The following POU2F2 variants were observed in gnomAD, a reference collection of about 807,000 sequenced individuals.
POU2F2 encodes the protein POU domain, class 2, transcription factor 2.
A neutral mutation model predicts 63.5 loss-of-function variants in POU2F2; 14 were observed. That is an observed-to-expected ratio of 0.22 (90% confidence interval 0.15 to 0.34). The LOEUF is 0.34. Ranked by LOEUF, POU2F2 falls within the 10% of genes least tolerant of loss-of-function variation. The pLI, the probability that POU2F2 is intolerant of heterozygous loss-of-function variation, is 1.00. For synonymous variants in POU2F2, 306 were observed against 348.6 expected, an observed-to-expected ratio of 0.88 and a Z score of 1.36; for missense variants, 607 against 815.2, an observed-to-expected ratio of 0.74 and a Z score of 3.11.
intron 5 of POU2F2, among the ~76,000 whole-genome samples, chr19:42,115,848 G>C (rs553088454): frequency 4.6e-5 from 7 of 152,194 alleles, no homozygotes; most frequent in Non-Finnish European, 7.3e-5. Flanking sequence ...AGGTCAATGG[G>C]GTGGGCCCTA....
upstream of POU2F2, chr19:42,132,474 G>A (rs527273038): frequency 3.5e-5 from 49 of 1,381,440 alleles, no homozygotes; most frequent in East Asian, 1.4e-4. Context: ...TCTGGGGGCC[G>A]AGCCCTCCCT....
chr19:42,153,018 G>A lies in POU2F2; in HGVS notation c.-9+7314C>T, dbSNP rs1041793328. Reference sequence around the variant, plus strand: ...GGGGCGAACCCTCAGGCCGGCCTGCGCCCACCCCCAGAGCTGCTGGCTGCC... The same window carrying A: ...GGGGCGAACCCTCAGGCCGGCCTGCACCCACCCCCAGAGCTGCTGGCTGCC... On this transcript the variant is annotated intron_variant, in intron 2 of 6. Transcript: ENST00000524801. This position sits in a 1 kb window ranked among gnomAD's most constrained non-coding sequence, Gnocchi z 5.6. Among the ~76,000 whole-genome samples the A allele has an allele frequency of 9.9e-5, 15 of 152,166 alleles. No individual in the cohort carries two copies. Among genetic ancestry groups the A allele is most frequent in the Admixed American group, 5.2e-4 (8 of 15,284 alleles).
At chr19:42,178,557 G>A (rs1400238480), upstream of POU2F2, among the ~76,000 whole-genome samples, 1 of 152,164 alleles carries the variant, frequency 6.6e-6, no homozygotes, top group Non-Finnish European at 1.5e-5. Context: ...CGTTGAAAGA[G>A]CCGTTGAAAG....
rs558030162 is a variant in POU2F2 at position 42,117,634 on chromosome 19, G to A, written c.187-202C>T. On this transcript the variant is annotated intron_variant, in intron 4 of 14. Transcript: ENST00000692977. The surrounding 1 kb of genome is among the most constrained non-coding windows in gnomAD (Gnocchi z 4.4). ...TGCACCCAAACTCCCTACAGAAGTC[G>A]CCTTTGCAGAGCACTTTTCCCCTCC... Among the ~76,000 whole-genome samples, 12 of 152,140 alleles carry A rather than the reference G, an allele frequency of 7.9e-5. No homozygotes were observed. Among genetic ancestry groups the A allele is most frequent in the Admixed American group, 1.3e-4 (2 of 15,278 alleles).
intron 1 of POU2F2, among the ~76,000 whole-genome samples, chr19:42,195,129 G>A (rs1462068991): frequency 8.4e-6 from 1 of 118,490 alleles, no homozygotes; most frequent in Admixed American, 8.0e-5. Flanking sequence ...AACGAAGAGA[G>A]GGAGGAACGA....
At chr19:42,196,822 C>G (rs368459715), upstream of POU2F2, among the ~76,000 whole-genome samples, 119 of 152,380 alleles carry the variant, frequency 7.8e-4, no homozygotes, top group African/African-American at 2.7e-3. Flanking sequence ...ACTGCGCCAG[C>G]GCAGATCCCT....
chr19:42,160,829 C>T (rs1193521304), intron 1 of POU2F2, among the ~76,000 whole-genome samples: 1 of 152,106 alleles, frequency 6.6e-6, no homozygotes, highest in East Asian at 1.9e-4. Context: ...CAAAGGACTG[C>T]TACGAGGAAC....
At chr19:42,161,004 G>T (rs546907605) in intron 1 of POU2F2, among the ~76,000 whole-genome samples, 1 of 152,326 alleles carries the variant, frequency 6.6e-6, no homozygotes, top group Admixed American at 6.5e-5. Context: ...TCTGAATCAA[G>T]TGTGGCAGGG....
At chr19:42,123,563 G>A (rs943388247) in intron 1 of POU2F2, among the ~76,000 whole-genome samples, 21 of 152,156 alleles carry the variant, frequency 1.4e-4, no homozygotes, top group Admixed American at 9.8e-4. Flanking sequence ...GAGGCTCCAC[G>A]AAGGGATGTC....
intron 2 of POU2F2, chr19:42,157,399 T>A (rs2034477425): frequency 6.6e-6 from 1 of 152,184 alleles, no homozygotes; most frequent in Non-Finnish European, 1.5e-5. Flanking sequence ...CCCACGAGCC[T>A]GAAAGCCCCT....
intron 5 of POU2F2, among the ~76,000 whole-genome samples, chr19:42,108,042 G>A (rs771757814): frequency 2.0e-5 from 3 of 152,006 alleles, no homozygotes; most frequent in Non-Finnish European, 2.9e-5. Context: ...TCCATCAAAC[G>A]CCCCCTCCCT....
At chr19:42,149,614 T>A (rs1440735698) in intron 2 of POU2F2, among the ~76,000 whole-genome samples, 1 of 149,884 alleles carries the variant, frequency 6.7e-6, no homozygotes, top group Non-Finnish European at 1.5e-5. Flanking sequence ...AGAGTCAGAG[T>A]CAAATAGAGA....
intron 1 of POU2F2, among the ~76,000 whole-genome samples, chr19:42,123,770 C>T (rs2032916446): frequency 6.6e-6 from 1 of 152,124 alleles, no homozygotes; most frequent in African/African-American, 2.4e-5. Context: ...TGGTCCTAGA[C>T]CCCAGGACAA....
At chr19:42,196,080 T>C (rs1335379723) in intron 1 of POU2F2, among the ~76,000 whole-genome samples, 1 of 152,186 alleles carries the variant, frequency 6.6e-6, no homozygotes, top group Admixed American at 6.5e-5. Context: ...TAAACGTATC[T>C]GGGCGGTGGC....
intron 1 of POU2F2, among the ~76,000 whole-genome samples, chr19:42,172,059 T>C (rs1358683617): frequency 6.6e-6 from 1 of 152,160 alleles, no homozygotes; most frequent in African/African-American, 2.4e-5. Flanking sequence ...CCTTGCAACA[T>C]TGTGCCAACC....
At chr19:42,118,367 G>A (rs1356801081) in intron 4 of POU2F2, among the ~76,000 whole-genome samples, 1 of 152,230 alleles carries the variant, frequency 6.6e-6, no homozygotes, top group Non-Finnish European at 1.5e-5. Context: ...ACAGGAGTAG[G>A]GGTGGATGGA....
upstream of POU2F2, chr19:42,136,915 A>C (rs1445610734): frequency 5.9e-5 from 9 of 152,320 alleles, no homozygotes; most frequent in Middle Eastern, 6.8e-3. Context: ...CATTTCCTTC[A>C]ATTCAAACAT....
chr19:42,103,040 C>T (rs1460067174), intron 5 of POU2F2, among the ~76,000 whole-genome samples: 2 of 149,540 alleles, frequency 1.3e-5, no homozygotes, highest in Non-Finnish European at 1.5e-5. Context: ...TTTTTTTTTT[C>T]AAATGCACCA....
chr19:42,174,630 T>C (rs2034837137), intron 1 of POU2F2, among the ~76,000 whole-genome samples: 1 of 151,836 alleles, frequency 6.6e-6, no homozygotes, highest in Non-Finnish European at 1.5e-5. Context: ...TGCCAAGGCT[T>C]CGAGGCCCAG....
Sources: gnomAD v4.1 joint callset for allele counts (sites outside exome capture counted in the v4.1 genomes callset) on GRCh38, gnomAD v4.1.1 for gene constraint, Gnocchi (gnomAD v3.1) non-coding constraint, MANE v1.5 for transcripts, NCBI Gene and HGNC (gene_info 2026-07-23, HGNC 2026-07-21) for gene names.